The following SLC14A2 variants were observed in gnomAD, a reference collection of about 807,000 sequenced individuals.
SLC14A2 encodes the protein solute carrier family 14 member 2, also known as urea transporter 2.
Under a neutral mutation model 104.6 loss-of-function variants are expected in SLC14A2, and 91 were observed. That is an observed-to-expected ratio of 0.87 (90% confidence interval 0.73 to 1.04). The LOEUF is 1.04. Among genes scored for constraint, SLC14A2 ranks in the 50% least tolerant of loss-of-function variants. The probability of loss-of-function intolerance (pLI) is 0.00; values close to 1 mark genes in which losing one functional copy is unlikely to be tolerated. For synonymous variants in SLC14A2, 476 were observed against 466.4 expected (o/e 1.02, Z -0.27); for missense variants, 1,189 against 1,156.0 (o/e 1.03, Z -0.41).
At chr18:45,250,214 G>A (rs2084407021) in intron 1 of SLC14A2, among the ~76,000 whole-genome samples, 1 of 152,170 alleles carries the variant, frequency 6.6e-6, no homozygotes, top group African/African-American at 2.4e-5. Context: ...CAGTACTAAT[G>A]AGCATCTATA....
intron 1 of SLC14A2, among the ~76,000 whole-genome samples, chr18:45,359,739 C>A (rs117037013): frequency 0.013 from 1,966 of 152,318 alleles, 16 homozygotes; most frequent in Middle Eastern, 0.024. Flanking sequence ...TTATGGCAAG[C>A]TGCTTCCAGC....
In SLC14A2 at chr18:45,519,220, G is replaced by A. The variant is rs115255351; in HGVS notation, c.-35+35898G>A. Among the ~76,000 whole-genome samples, 1,392 of 152,270 alleles carry A rather than the reference G, an allele frequency of 9.1e-3. 19 individuals are homozygous for A. The highest frequency in any genetic ancestry group is 0.032 in the African/African-American group (1,311 of 41,550). On this transcript the variant is annotated intron_variant, in intron 2 of 20. Coordinates refer to the SLC14A2 transcript ENST00000586448. ...TATCCTTAGGGAAGCACTGCAGAGC[G>A]CACTAACAAGCAACTGAATCCATGT... is the stretch of plus-strand genomic sequence containing the variant.
At chr18:45,479,751 A>G (rs1316113689) in intron 1 of SLC14A2, among the ~76,000 whole-genome samples, 1 of 152,190 alleles carries the variant, frequency 6.6e-6, no homozygotes, top group Non-Finnish European at 1.5e-5. Flanking sequence ...ATCTTCAGAA[A>G]ATTAAAGGCA....
At chr18:45,234,329 A>G (rs1382379609) in intron 1 of SLC14A2, among the ~76,000 whole-genome samples, 1 of 152,196 alleles carries the variant, frequency 6.6e-6, no homozygotes, top group South Asian at 2.1e-4. Context: ...CTTTCAATGC[A>G]TATAGTCTTA....
chr18:45,551,455 A>G (rs780965764), intron 2 of SLC14A2, among the ~76,000 whole-genome samples: 38 of 152,238 alleles, frequency 2.5e-4, no homozygotes, highest in Non-Finnish European at 5.1e-4. Context: ...GAAAACAGCT[A>G]CCGCTGTTGG....
chr18:45,290,895 T>C (rs1446935397), intron 1 of SLC14A2, among the ~76,000 whole-genome samples: 3 of 152,154 alleles, frequency 2.0e-5, no homozygotes, highest in African/African-American at 7.2e-5. Flanking sequence ...TTCTCTAATT[T>C]GGAAAATTAG....
At position 45,667,868 on chromosome 18, in the gene SLC14A2, C is replaced by T. The variant is rs190663850; in HGVS notation, c.1753C>T (p.Leu585Phe). 1.5e-5 allele frequency: 24 copies of T among 1,614,186 alleles called. No homozygotes were observed. The African/African-American group carries it at 1.9e-4, about 13-fold the overall frequency. Residue 585 changes from leucine to phenylalanine, a missense_variant, in exon 14 of 20, where the codon CTC (leucine) becomes TTC (phenylalanine). Transcript: ENST00000255226. ...AGTGTTCCAGTTCTTTGACTGGGTC[C>T]TCCGAGGCACATCTCAAGTGATGTT... ...SPVFQFFDWVLRGTSQVMFVN... is the reference protein window; with the variant it reads ...SPVFQFFDWVFRGTSQVMFVN...
chr18:45,562,452 T>C (rs2044213705), intron 2 of SLC14A2, among the ~76,000 whole-genome samples: 1 of 152,134 alleles, frequency 6.6e-6, no homozygotes, highest in Admixed American at 6.5e-5. Context: ...GTAGTAAGTG[T>C]TCAATGAATA....
Position 45,581,414 on chromosome 18 carries a change from C to G in SLC14A2, c.-34-43217C>G, listed in dbSNP as rs77312988. Among the ~76,000 whole-genome samples, 170 of 152,286 alleles carry G rather than the reference C, an allele frequency of 1.1e-3. 4 individuals carry two copies. In the East Asian group the frequency reaches 0.027, roughly 25 times the overall value. ...GCCGTGGAGCCAGGAGAGTCCAGAA[C>G]AGTGGGTGAGAGAGTTGAGAAGTAG... On this transcript the variant is annotated intron_variant, in intron 2 of 20. Coordinates refer to the SLC14A2 transcript ENST00000586448.
At chr18:45,665,000 C>T (rs920478469) in intron 11 of SLC14A2, among the ~76,000 whole-genome samples, 1 of 152,124 alleles carries the variant, frequency 6.6e-6, no homozygotes, top group Non-Finnish European at 1.5e-5. Flanking sequence ...ACAGAAACAG[C>T]GGGTCAGTGG....
intron 1 of SLC14A2, among the ~76,000 whole-genome samples, chr18:45,252,178 C>T (rs1409195469): frequency 1.3e-5 from 2 of 152,184 alleles, no homozygotes; most frequent in Non-Finnish European, 2.9e-5. Flanking sequence ...CTCTGAACAT[C>T]TGTAACAGAA....
intron 2 of SLC14A2, among the ~76,000 whole-genome samples, chr18:45,598,042 A>C (rs1395132156): frequency 6.6e-6 from 1 of 151,926 alleles, no homozygotes; most frequent in African/African-American, 2.4e-5. Flanking sequence ...TTCCCAATAC[A>C]TTTTGCATTT....
In SLC14A2 at chr18:45,370,586, G is replaced by GT. The variant is rs1281176053; in HGVS notation, c.-124-112646dup. ...GGGTTCCAGATACGGACATGACAGG[G>GT]TAACCACTGAGAAAATTTTTGCAGG... On this transcript the variant is annotated intron_variant, in intron 1 of 20. Transcript: ENST00000586448. 4.6e-5 allele frequency among the ~76,000 whole-genome samples: 7 copies of GT among 152,280 alleles called. No homozygotes were observed. The East Asian group carries it at 1.4e-3, about 29-fold the overall frequency.
chr18:45,572,125 G>A (rs189620715), intron 2 of SLC14A2, among the ~76,000 whole-genome samples: 50 of 152,252 alleles, frequency 3.3e-4, no homozygotes, highest in African/African-American at 1.1e-3. Context: ...TTCCTCTGGG[G>A]TATCTGAAAC....
At chr18:45,436,140 T>A (rs2144565140) in intron 1 of SLC14A2, among the ~76,000 whole-genome samples, 1 of 152,232 alleles carries the variant, frequency 6.6e-6, no homozygotes, top group African/African-American at 2.4e-5. Context: ...AATAAAGAAG[T>A]TGATAAATTG....
At chr18:45,199,747 A>C in the SLC14A2 span, among the ~76,000 whole-genome samples, 1 of 152,128 alleles carries the variant, frequency 6.6e-6, no homozygotes, top group South Asian at 2.1e-4. Flanking sequence ...AGGACTCCTT[A>C]TATTAGCAGC....
chr18:45,552,485 C>T lies in SLC14A2; in HGVS notation c.-35+69163C>T, dbSNP rs140873121. ...GGACACTCATTCATTTCACAAATACCGACTTAGCCCACACTACAATGCAGC... is the reference window on the plus strand; with the variant it reads ...GGACACTCATTCATTTCACAAATACTGACTTAGCCCACACTACAATGCAGC... On this transcript the variant is annotated intron_variant, in intron 2 of 20. Transcript: ENST00000586448. 1.9e-3 allele frequency among the ~76,000 whole-genome samples: 288 copies of T among 152,066 alleles called. 1 individual carries two copies. The highest frequency in any genetic ancestry group is 6.6e-3 in the African/African-American group (273 of 41,490).
intron 1 of SLC14A2, among the ~76,000 whole-genome samples, chr18:45,216,668 G>C (rs2084013694): frequency 6.6e-6 from 1 of 152,146 alleles, no homozygotes; most frequent in African/African-American, 2.4e-5. Context: ...TGTGTACTCA[G>C]AGCTCTGAGA....
intron 10 of SLC14A2, among the ~76,000 whole-genome samples, chr18:45,653,251 C>A (rs1008181692): frequency 2.6e-5 from 4 of 152,080 alleles, no homozygotes; most frequent in Admixed American, 2.6e-4. Context: ...AATGTGGGGG[C>A]CTGCTGGGCT....
Sources: allele counts gnomAD v4.1 joint callset (sites outside exome capture counted in the v4.1 genomes callset), GRCh38; gene constraint gnomAD v4.1.1; transcripts MANE v1.5; gene names NCBI Gene and HGNC (gene_info 2026-07-23, HGNC 2026-07-21).